KIF16B: variants seen among roughly 807,000 people sequenced by gnomAD.
The protein encoded by KIF16B is kinesin-like protein KIF16B.
In KIF16B, 98 loss-of-function variants were observed where a neutral mutation model predicts 156.3. The observed-to-expected ratio is 0.63, with a 90% CI of 0.53 to 0.74. The LOEUF is 0.74. Ranked by LOEUF, KIF16B falls within the 30% of genes least tolerant of loss-of-function variation. The pLI is 0.00. For missense variants in KIF16B, 1,421 were observed against 1,606.5 expected (o/e 0.88, Z 1.97); for synonymous variants, 564 against 583.7 (o/e 0.97, Z 0.49).
At position 16,461,304 on chromosome 20, in the gene KIF16B, T is replaced by G. The variant is rs530023781; in HGVS notation, c.1303-31322A>C. Among the ~76,000 whole-genome samples the G allele has an allele frequency of 8.5e-5, 13 of 152,228 alleles. No individual in the cohort carries two copies. The East Asian group carries it at 2.1e-3, about 25-fold the overall frequency. ...TCCTTTGAGTAGTAATATTTCAACC[T>G]TGTTTCTTCTTTAACCCAGTTAGAA... is the stretch of plus-strand genomic sequence containing the variant. On this transcript the variant is annotated intron_variant, in intron 12 of 25. Transcript: ENST00000354981.
intron 12 of KIF16B, among the ~76,000 whole-genome samples, chr20:16,489,121 G>C (rs573009307): frequency 2.0e-5 from 3 of 152,198 alleles, no homozygotes; most frequent in Non-Finnish European, 4.4e-5. Flanking sequence ...AGGCAGGAGG[G>C]GCAAAGGCAT....
chr20:16,514,595 A>C (rs8120651), intron 4 of KIF16B, among the ~76,000 whole-genome samples: 5 of 150,168 alleles, frequency 3.3e-5, no homozygotes, highest in African/African-American at 9.8e-5. Context: ...AAAAAAAAAA[A>C]AAAAAAAAAA....
chr20:16,458,981 T>C (rs1380333437), intron 12 of KIF16B, among the ~76,000 whole-genome samples: 1 of 152,188 alleles, frequency 6.6e-6, no homozygotes. Context: ...CTGCTCACTT[T>C]TAAAAATGAA....
At chr20:16,375,141 G>A (rs1009385443) in intron 19 of KIF16B, among the ~76,000 whole-genome samples, 7 of 152,180 alleles carry the variant, frequency 4.6e-5, no homozygotes, top group South Asian at 4.1e-4. Context: ...TTCTCCCACC[G>A]GCCCAGGCAT....
At chr20:16,492,744 C>G (rs892040189) in intron 12 of KIF16B, among the ~76,000 whole-genome samples, 2 of 152,072 alleles carry the variant, frequency 1.3e-5, no homozygotes, top group African/African-American at 2.4e-5. Context: ...ATCTTTTCAC[C>G]TCTTGCAGCA....
intron 24 of KIF16B, among the ~76,000 whole-genome samples, chr20:16,316,784 T>C (rs1487663492): frequency 6.6e-6 from 1 of 152,216 alleles, no homozygotes; most frequent in Non-Finnish European, 1.5e-5. Flanking sequence ...TCTCTGTAGG[T>C]TTCATTTCTG....
chr20:16,356,593 G>C lies in KIF16B; in HGVS notation c.3499-141C>G, dbSNP rs2064447956. ...ACCAGTAGGGTTTATTTAGAAAAAT[G>C]ATGGTTTCCTTTGAAAGAGAAAAGC... On this transcript the variant is annotated intron_variant, in intron 22 of 25. Transcript: ENST00000354981. 6.7e-6 allele frequency: 6 copies of C among 897,110 alleles called. No homozygotes were observed. The East Asian group carries it at 1.6e-4, about 24-fold the overall frequency. 55.6% of individuals were successfully genotyped at this position (897,110 alleles called of 1,614,324 possible). A position where few individuals can be genotyped will look rare whatever the true frequency, so the allele number is the denominator to read the frequency against.
chr20:16,439,304 T>C (rs1221978005), intron 12 of KIF16B, among the ~76,000 whole-genome samples: 1 of 152,144 alleles, frequency 6.6e-6, no homozygotes, highest in Non-Finnish European at 1.5e-5. Flanking sequence ...CACCCTACCA[T>C]CTACTCTCCA....
At chr20:16,504,603 A>G in intron 9 of KIF16B, 56 bp from the exon 10 acceptor site, 10 of 1,510,294 alleles carry the variant, frequency 6.6e-6, no homozygotes, top group Non-Finnish European at 9.1e-6. Context: ...TCCATTTAAC[A>G]CAAAGTTGGT....
At chr20:16,280,676 C>G (rs1161500023) in intron 25 of KIF16B, among the ~76,000 whole-genome samples, 1 of 152,144 alleles carries the variant, frequency 6.6e-6, no homozygotes, top group Non-Finnish European at 1.5e-5. Flanking sequence ...GACAAAGTGA[C>G]CAGCTCTTCA....
intron 12 of KIF16B, among the ~76,000 whole-genome samples, chr20:16,453,177 G>A (rs1477494104): frequency 6.6e-6 from 1 of 152,006 alleles, no homozygotes; most frequent in Non-Finnish European, 1.5e-5. Flanking sequence ...GGCTAAGGTG[G>A]GAGGATAACT....
chr20:16,293,382 G>A (rs1377614477), intron 25 of KIF16B, among the ~76,000 whole-genome samples: 1 of 152,164 alleles, frequency 6.6e-6, no homozygotes, highest in African/African-American at 2.4e-5. Flanking sequence ...AGCAGCACTG[G>A]AGTTAGAAGA....
At chr20:16,493,676 T>C (rs939246749) in intron 12 of KIF16B, among the ~76,000 whole-genome samples, 4 of 152,112 alleles carry the variant, frequency 2.6e-5, no homozygotes, top group African/African-American at 9.7e-5. Context: ...ATGACAGAGG[T>C]TGTCTGCCAA....
intron 24 of KIF16B, among the ~76,000 whole-genome samples, chr20:16,333,292 G>GC (rs2063981379): frequency 6.6e-6 from 1 of 152,126 alleles, no homozygotes; most frequent in Non-Finnish European, 1.5e-5. Flanking sequence ...TTTCAGAAAG[G>GC]TGTGCCTGGT....
At chr20:16,302,241 T>C (rs780693138) in intron 25 of KIF16B, among the ~76,000 whole-genome samples, 4 of 152,192 alleles carry the variant, frequency 2.6e-5, no homozygotes, top group Admixed American at 1.3e-4. Context: ...CTCCTAGGAA[T>C]TTTATAGCTT....
At chr20:16,287,833 C>T (rs745918665) in intron 25 of KIF16B, among the ~76,000 whole-genome samples, 2 of 152,214 alleles carry the variant, frequency 1.3e-5, no homozygotes, top group East Asian at 1.9e-4. Flanking sequence ...GGGGTGGAGG[C>T]GGGTGGAAAG....
chr20:16,396,115 A>C (rs1218026209), intron 17 of KIF16B, among the ~76,000 whole-genome samples: 1 of 152,152 alleles, frequency 6.6e-6, no homozygotes, highest in African/African-American at 2.4e-5. Context: ...ACGTTAAATA[A>C]GGTACGGCAG....
intron 23 of KIF16B, among the ~76,000 whole-genome samples, chr20:16,353,512 A>G (rs2064379383): frequency 6.6e-6 from 1 of 152,234 alleles, no homozygotes; most frequent in South Asian, 2.1e-4. Flanking sequence ...AACACTTAGT[A>G]TGTGGCAGGC....
At chr20:16,516,573 T>C (rs6044048) in intron 3 of KIF16B, among the ~76,000 whole-genome samples, 36,226 of 152,130 alleles carry the variant, frequency 0.24, 4,945 homozygotes, top group East Asian at 0.36. Flanking sequence ...AAGGAAGCTC[T>C]GTCAGCTCCA....
Sources: gnomAD v4.1 joint callset for allele counts (sites outside exome capture counted in the v4.1 genomes callset) on GRCh38, gnomAD v4.1.1 for gene constraint, MANE v1.5 for transcripts, NCBI Gene and HGNC (gene_info 2026-07-23, HGNC 2026-07-21) for gene names.